The following PCDH9 variants were observed in gnomAD, a reference collection of about 807,000 sequenced individuals.
The protein encoded by PCDH9 is protocadherin-9.
In PCDH9, 24 loss-of-function variants were observed where a neutral mutation model predicts 70.6. The observed-to-expected ratio is 0.34, with a 90% CI of 0.25 to 0.48. PCDH9 has a LOEUF of 0.48. PCDH9 is among the 20% of genes least tolerant of loss of function. PCDH9 has a pLI of 0.99. For synonymous variants in PCDH9, 562 were observed against 558.5 expected (o/e 1.01, Z -0.09); for missense variants, 1,281 against 1,503.6 (o/e 0.85, Z 2.45).
chr13:66,809,839 A>T (rs771863459), intron 3 of PCDH9, among the ~76,000 whole-genome samples: 1 of 152,198 alleles, frequency 6.6e-6, no homozygotes, highest in Non-Finnish European at 1.5e-5. Flanking sequence ...CACATTTAAC[A>T]AAGTGATCAA....
chr13:67,224,342 C>A (rs1301386668), intron 2 of PCDH9: 1 of 152,164 alleles, frequency 6.6e-6, no homozygotes, highest in African/African-American at 2.4e-5. Context: ...GTATCTTTGG[C>A]TGTACTACCA....
intron 2 of PCDH9, among the ~76,000 whole-genome samples, chr13:67,115,690 A>T (rs1420790130): frequency 6.6e-6 from 1 of 151,394 alleles, no homozygotes; most frequent in East Asian, 1.9e-4. Context: ...GATATTGACC[A>T]GTTTTACCAG....
At chr13:66,364,582 A>G (rs1056600346) in intron 4 of PCDH9, among the ~76,000 whole-genome samples, 1 of 152,194 alleles carries the variant, frequency 6.6e-6, no homozygotes, top group Non-Finnish European at 1.5e-5. Flanking sequence ...ATGATTAGGG[A>G]TATCTCCTTT....
intron 4 of PCDH9, among the ~76,000 whole-genome samples, chr13:66,536,837 A>AT (rs57292857): frequency 0.95 from 145,201 of 152,104 alleles, 69,692 homozygotes; most frequent in East Asian, 1. Context: ...AAAAGCAGAT[A>AT]GACACCAGTT....
chr13:66,706,378 G>A (rs7326510), intron 3 of PCDH9, among the ~76,000 whole-genome samples: 51,108 of 152,026 alleles, frequency 0.34, 9,054 homozygotes, highest in East Asian at 0.51. Flanking sequence ...AAATTTGGAC[G>A]AGTTCCTTAA....
intron 2 of PCDH9, among the ~76,000 whole-genome samples, chr13:67,173,466 G>A (rs555189025): frequency 2.0e-5 from 3 of 152,066 alleles, no homozygotes; most frequent in East Asian, 3.9e-4. Context: ...ACAATATAGA[G>A]ACTTTGGCTC....
chr13:66,566,205 G>A (rs1479973735), intron 4 of PCDH9, among the ~76,000 whole-genome samples: 1 of 152,130 alleles, frequency 6.6e-6, no homozygotes, highest in African/African-American at 2.4e-5. Flanking sequence ...CTTCACTCTA[G>A]AATATTGGAA....
chr13:67,162,167 C>T (rs1301200928), intron 2 of PCDH9, among the ~76,000 whole-genome samples: 1 of 152,174 alleles, frequency 6.6e-6, no homozygotes, highest in Non-Finnish European at 1.5e-5. Flanking sequence ...TTAATACTTA[C>T]TGGCCTAAAT....
intron 3 of PCDH9, among the ~76,000 whole-genome samples, chr13:66,685,412 C>T (rs2139070641): frequency 6.6e-6 from 1 of 152,322 alleles, no homozygotes; most frequent in South Asian, 2.1e-4. Context: ...CCACCTATAT[C>T]CCAGAGGATG....
intron 2 of PCDH9, among the ~76,000 whole-genome samples, chr13:66,919,539 G>C (rs1011619735): frequency 1.1e-4 from 17 of 151,148 alleles, no homozygotes; most frequent in African/African-American, 4.1e-4. Context: ...TTCAAATTCT[G>C]CTGTGGAACC....
chr13:66,328,698 T>G (rs1256470432), intron 4 of PCDH9, among the ~76,000 whole-genome samples: 1 of 152,156 alleles, frequency 6.6e-6, no homozygotes, highest in Non-Finnish European at 1.5e-5. Flanking sequence ...AGTCACCAAG[T>G]GTGACACGTG....
chr13:66,674,238 A>G (rs942745733), intron 3 of PCDH9, among the ~76,000 whole-genome samples: 2 of 152,066 alleles, frequency 1.3e-5, no homozygotes, highest in African/African-American at 4.8e-5. Context: ...CCTTGTATTC[A>G]TAATAAGTGA....
rs770302790 is a variant in PCDH9, at chr13:67,225,830, T to C, written c.2611A>G (p.Arg871Gly). ...QENKQNKKKK[R>G]KKRKSPKSSL... is the part of the protein sequence containing the mutation. The stretch of plus-strand genomic sequence containing the variant: ...CTTTTGGGAGACTTCCTTTTCTTTC[T>C]TTTCTTTTTCTTGTTTTGCTTGTTC... Residue 871 changes from arginine (R) to glycine (G), a missense_variant, in exon 2 of 5, where the codon AGA (arginine) becomes GGA (glycine). Arg to Gly is a moderately radical substitution (Grantham distance 125, BLOSUM62 -2). Around this residue, in one of 4 missense-constraint regions of PCDH9, gnomAD observed 207 missense variants for 191.8 expected, o/e 1.08. Transcript: ENST00000377865. 5 of 1,614,152 alleles carry C rather than the reference T, an allele frequency of 3.1e-6. No homozygotes were observed. Among genetic ancestry groups the C allele is most frequent in the Non-Finnish European group, 3.4e-6 (4 of 1,180,040 alleles).
At chr13:67,214,933 C>CAGAT (rs1555321174) in intron 2 of PCDH9, 1 of 26,130 alleles carries the variant, frequency 3.8e-5, no homozygotes, top group Non-Finnish European at 9.4e-5. Context: ...TATTGCGAGC[C>CAGAT]AGATATATAT....
At chr13:66,357,124 A>C (rs1438195828) in intron 4 of PCDH9, among the ~76,000 whole-genome samples, 2 of 152,008 alleles carry the variant, frequency 1.3e-5, no homozygotes, top group Non-Finnish European at 2.9e-5. Flanking sequence ...AGCAACACAT[A>C]ATCAGGATCT....
At chr13:66,903,310 A>C (rs1181133119) in intron 3 of PCDH9, among the ~76,000 whole-genome samples, 194 bp downstream of exon 3, 1 of 151,878 alleles carries the variant, frequency 6.6e-6, no homozygotes, top group Admixed American at 6.6e-5. Context: ...CAACAGAAAA[A>C]AAAAGATATA....
chr13:66,900,481 T>A (rs1010830110), intron 3 of PCDH9, among the ~76,000 whole-genome samples: 2 of 152,034 alleles, frequency 1.3e-5, no homozygotes, highest in Non-Finnish European at 2.9e-5. Flanking sequence ...TTGTAGCATG[T>A]TTATACTCTA....
chr13:67,042,681 T>G (rs921487431), intron 2 of PCDH9, among the ~76,000 whole-genome samples: 2 of 152,180 alleles, frequency 1.3e-5, no homozygotes, highest in Non-Finnish European at 2.9e-5. Context: ...AAACAAATAT[T>G]GCTTGTCTAT....
At chr13:66,912,969 C>T (rs906153089) in intron 2 of PCDH9, among the ~76,000 whole-genome samples, 5 of 152,022 alleles carry the variant, frequency 3.3e-5, no homozygotes, top group East Asian at 1.9e-4. Context: ...AAACCTTCAA[C>T]GTAATGTTAG....
Sources: allele counts gnomAD v4.1 joint callset (sites outside exome capture counted in the v4.1 genomes callset), GRCh38; gene constraint gnomAD v4.1.1; regional missense constraint gnomAD v4.1.1; transcripts MANE v1.5; gene names NCBI Gene and HGNC (gene_info 2026-07-23, HGNC 2026-07-21).